Variants in HS6ST1 observed in about 807,000 individuals in gnomAD.
The protein encoded by HS6ST1 is heparan sulfate 6-O-sulfotransferase 1.
Under a neutral mutation model 25.2 loss-of-function variants are expected in HS6ST1, and 3 were observed. That is an observed-to-expected ratio of 0.12 (90% confidence interval 0.05 to 0.31). HS6ST1 has a LOEUF of 0.31. Ranked by LOEUF, HS6ST1 falls within the 10% of genes least tolerant of loss-of-function variation. The pLI is 1.00. For synonymous variants in HS6ST1, 204 were observed against 275.1 expected (o/e 0.74, Z 2.56); for missense variants, 310 against 609.6 (o/e 0.51, Z 5.18).
chr2:128,289,449 A>G (rs920646832), intron 1 of HS6ST1, among the ~76,000 whole-genome samples: 36 of 152,218 alleles, frequency 2.4e-4, no homozygotes, highest in Admixed American at 7.9e-4. Context: ...ATCCTTCTGC[A>G]GCCAAAGTCT....
intron 1 of HS6ST1, among the ~76,000 whole-genome samples, chr2:128,315,756 A>G (rs1250971470): frequency 1.3e-5 from 2 of 152,206 alleles, no homozygotes; most frequent in Non-Finnish European, 2.9e-5. Flanking sequence ...AGCGCTCAGC[A>G]GGTGGACCTC....
chr2:128,276,715 C>T (rs1462260402), intron 1 of HS6ST1, among the ~76,000 whole-genome samples: 2 of 152,168 alleles, frequency 1.3e-5, no homozygotes, highest in Admixed American at 6.5e-5. Context: ...AGAGGCCCAG[C>T]TGGCCTTCCA....
chr2:128,314,759 A>G (rs545546209), intron 1 of HS6ST1, among the ~76,000 whole-genome samples: 74 of 152,320 alleles, frequency 4.9e-4, no homozygotes, highest in African/African-American at 1.7e-3. Flanking sequence ...CCTGGTGCAG[A>G]GAGGATGTGA....
At chr2:128,285,702 C>T (rs1166698637) in intron 1 of HS6ST1, among the ~76,000 whole-genome samples, 1 of 152,198 alleles carries the variant, frequency 6.6e-6, no homozygotes, top group Non-Finnish European at 1.5e-5. Context: ...CCTGGGGGTC[C>T]ATACACTGTC....
intron 1 of HS6ST1, among the ~76,000 whole-genome samples, chr2:128,306,411 C>T (rs1196536563): frequency 6.6e-6 from 1 of 152,222 alleles, no homozygotes; most frequent in Non-Finnish European, 1.5e-5. Flanking sequence ...ACCCCCACCC[C>T]ACCCTGGCCA....
chr2:128,278,247 C>T (rs768282413), intron 1 of HS6ST1, among the ~76,000 whole-genome samples: 15 of 152,268 alleles, frequency 9.9e-5, no homozygotes, highest in Non-Finnish European at 1.5e-4. Flanking sequence ...TGGCTGCAGG[C>T]GGCTTCATTT....
chr2:128,296,451 T>A (rs1391305429), intron 1 of HS6ST1, among the ~76,000 whole-genome samples: 2 of 152,220 alleles, frequency 1.3e-5, no homozygotes, highest in African/African-American at 4.8e-5. Context: ...TAATCTTATA[T>A]GTAGATAATG....
In HS6ST1 at chr2:128,268,088, T is replaced by C. The variant is rs1468476699; in HGVS notation, c.*74A>G. The C allele has an allele frequency of 3.7e-5, 39 of 1,062,718 alleles. No homozygotes were observed. Among genetic ancestry groups the C allele is most frequent in the Non-Finnish European group, 5.2e-5 (37 of 714,020 alleles). 65.8% of individuals were successfully genotyped at this position (1,062,718 alleles called of 1,614,324 possible). On this transcript the variant is annotated 3_prime_UTR_variant, in exon 2 of 2. Transcript: ENST00000259241. ...TTGGGATGCTCATCCCTTGACAGTC[T>C]TGGGTGGACCTGTCGTCTGTCCTGT...
intron 1 of HS6ST1, among the ~76,000 whole-genome samples, chr2:128,297,073 A>C (rs570197472): frequency 1.2e-4 from 19 of 152,326 alleles, no homozygotes; most frequent in African/African-American, 4.1e-4. Context: ...AAAACAAACA[A>C]AAAAAACCCC....
At chr2:128,289,343 T>C (rs1468580457) in intron 1 of HS6ST1, among the ~76,000 whole-genome samples, 1 of 152,160 alleles carries the variant, frequency 6.6e-6, no homozygotes, top group Non-Finnish European at 1.5e-5. Flanking sequence ...CAAAAAAGGT[T>C]AGGGCCCAGC....
At chr2:128,308,082 A>G (rs1694238017) in intron 1 of HS6ST1, among the ~76,000 whole-genome samples, 1 of 152,254 alleles carries the variant, frequency 6.6e-6, no homozygotes, top group Admixed American at 6.5e-5. Context: ...GAAAGTTAGT[A>G]ACATCAAAAC....
intron 1 of HS6ST1, among the ~76,000 whole-genome samples, chr2:128,305,939 G>A (rs779820196): frequency 1.3e-5 from 2 of 152,192 alleles, no homozygotes; most frequent in Non-Finnish European, 1.5e-5. Flanking sequence ...TGAGCCACAC[G>A]CCTGGCTCCC....
chr2:128,278,776 A>G (rs929576995), intron 1 of HS6ST1, among the ~76,000 whole-genome samples: 4 of 152,146 alleles, frequency 2.6e-5, no homozygotes, highest in African/African-American at 9.7e-5. Flanking sequence ...AAAAAACACC[A>G]CCCAGGACAG....
At chr2:128,310,006 C>G (rs137908064) in intron 1 of HS6ST1, among the ~76,000 whole-genome samples, 65 of 152,342 alleles carry the variant, frequency 4.3e-4, no homozygotes, top group African/African-American at 1.5e-3. Context: ...ACTGCCACCC[C>G]CCTTTTAGAG....
intron 1 of HS6ST1, among the ~76,000 whole-genome samples, chr2:128,270,561 G>C (rs2104910240): frequency 6.6e-6 from 1 of 152,326 alleles, no homozygotes. Flanking sequence ...AATGACCAAG[G>C]GCCAGGGAGT....
chr2:128,289,612 G>C (rs1379799951), intron 1 of HS6ST1: 4 of 152,210 alleles, frequency 2.6e-5, no homozygotes, highest in Non-Finnish European at 5.9e-5. Flanking sequence ...CTTGCTAAGG[G>C]ATCTGCCATC....
intron 1 of HS6ST1, among the ~76,000 whole-genome samples, chr2:128,284,228 A>G (rs977858893): frequency 2.6e-4 from 40 of 152,156 alleles, no homozygotes; most frequent in East Asian, 1.9e-4. Context: ...CAGCTTAGGC[A>G]TCTCGGCTCC....
chr2:128,290,847 T>A (rs573589435), intron 1 of HS6ST1, among the ~76,000 whole-genome samples: 1,232 of 100,254 alleles, frequency 0.012, 9 homozygotes, highest in Non-Finnish European at 0.016. Context: ...AAAAAAAAAT[T>A]TAGCATGCAT....
intron 1 of HS6ST1, among the ~76,000 whole-genome samples, chr2:128,300,821 C>T (rs1028665233): frequency 2.0e-5 from 3 of 152,186 alleles, no homozygotes; most frequent in Non-Finnish European, 4.4e-5. Flanking sequence ...CTGCTCTGGG[C>T]GTGTCTCACC....
Sources: allele counts gnomAD v4.1 joint callset (sites outside exome capture counted in the v4.1 genomes callset), GRCh38; gene constraint gnomAD v4.1.1; transcripts MANE v1.5; gene names NCBI Gene and HGNC (gene_info 2026-07-23, HGNC 2026-07-21).